CTU1: variants seen among roughly 807,000 people sequenced by gnomAD.
CTU1 encodes cytoplasmic tRNA 2-thiolation protein 1.
CTU1 carries 15 observed loss-of-function variants against 12.9 expected under a neutral mutation model. The ratio of observed to expected loss-of-function variants is 1.16; its 90% CI spans 0.78 to 1.79. CTU1 has a LOEUF of 1.79. Ranked by LOEUF, CTU1 falls within the 40% of genes most tolerant of loss-of-function variation. The pLI, the probability that CTU1 is intolerant of heterozygous loss-of-function variation, is 0.00. For missense variants in CTU1, 553 were observed against 550.5 expected (o/e 1.00, Z -0.05); for synonymous variants, 295 against 275.6 (o/e 1.07, Z -0.70).
intron 2 of CTU1, among the ~76,000 whole-genome samples, chr19:51,103,586 A>C (rs113040823): frequency 3.0e-5 from 1 of 32,848 alleles, no homozygotes; most frequent in Non-Finnish European, 7.2e-5. Flanking sequence ...CTCTGTCTCA[A>C]AAAAAAAAAA....
chr19:51,099,245 G>A, intron 2 of CTU1, 106 bp from the exon 3 acceptor site: 2 of 1,051,226 alleles, frequency 1.9e-6, no homozygotes, highest in Middle Eastern at 3.2e-4. Context: ...GAGAGACTGG[G>A]AGGAGAGACC....
Position 51,098,559 on chromosome 19 carries a change from C to T in CTU1, c.*42G>A, listed in dbSNP as rs1404368999. On this transcript the variant is annotated 3_prime_UTR_variant, in exon 3 of 3. Coordinates refer to ENST00000421832, the MANE Select transcript of CTU1 (RefSeq NM_145232.4). The surrounding 1 kb of genome is among the most constrained non-coding windows in gnomAD (Gnocchi z 4.3). ...TTCACAGTGTCATTTACAGGCAGCC[C>T]CCACCCCGCGGCATCAGATCCCGGC... The T allele has an allele frequency of 4.8e-6, 6 of 1,240,238 alleles. No homozygotes were observed. The African/African-American group carries it at 7.8e-5, about 16-fold the overall frequency. The allele number at this position is 1,240,238 out of a possible 1,614,324, so 76.8% of individuals were successfully genotyped here.
chr19:51,099,022 C>T lies in CTU1; in HGVS notation c.626G>A (p.Arg209His), dbSNP rs1422294103. 24 of 1,509,202 alleles carry T rather than the reference C, an allele frequency of 1.6e-5. No individual in the cohort carries two copies. Among genetic ancestry groups the T allele is most frequent in the Admixed American group, 6.1e-5 (3 of 49,356 alleles). 93.5% of individuals were successfully genotyped at this position (1,509,202 alleles called of 1,614,324 possible). A position where few individuals can be genotyped will look rare whatever the true frequency, so the allele number is the denominator to read the frequency against. ...CGAGGCGAACTGCAGCGGGCGGCAG[C>T]GCGGCAGGGCGCCCCCCTCGCCGGG... ...GSPGEGGALP[R>H]CRPLQFASQK... Residue 209 changes from arginine to histidine, a missense_variant, in exon 3 of 3, where the codon CGC becomes CAC. Physicochemically the swap from Arg to His is conservative, Grantham distance 29. Around this residue, in one of 2 missense-constraint regions of CTU1, gnomAD observed 500 missense variants for 458.5 expected, o/e 1.09. Coordinates refer to ENST00000421832, the MANE Select transcript of CTU1 (RefSeq NM_145232.4).
chr19:51,102,702 CAGGG>C lies in CTU1; in HGVS notation c.508+1356_508+1359del, dbSNP rs1265977913. Among the ~76,000 whole-genome samples the C allele has an allele frequency of 3.3e-5, 5 of 152,338 alleles. No homozygotes were observed. The East Asian group carries it at 9.6e-4, about 29-fold the overall frequency. The stretch of plus-strand genomic sequence containing the variant: ...CTTTTACTGGTTCCGCCACAGCCTA[CAGGG>C]TAAGGCCTGACCTCTTCCACCTCTC... On this transcript the variant is annotated intron_variant, in intron 2 of 2. Transcript: ENST00000421832.
Position 51,104,174 on chromosome 19 carries a change from G to T in CTU1, c.396C>A (p.Arg132=). 6.6e-7 allele frequency: 1 copy of T among 1,521,074 alleles called. No individual in the cohort carries two copies. Among genetic ancestry groups the T allele is most frequent in the Non-Finnish European group, 8.8e-7 (1 of 1,141,098 alleles). The allele number at this position is 1,521,074 out of a possible 1,614,324, so 94.2% of individuals were successfully genotyped here. Residue 132 remains arginine (R), a synonymous_variant, in exon 2 of 3, where the codon CGC becomes CGA. Transcript: ENST00000421832. ...FGGWTMDAVA[R]STAGSGRSRS... is the part of the protein sequence containing the mutation. ...GGCTGCGGCCGGAGCCGGCTGTGCT[G>T]CGGGCCACGGCGTCCATCGTCCAGC...
Position 51,097,633 on chromosome 19 carries a change from C to T in CTU1, c.*968G>A, listed in dbSNP as rs1471007491. 1 of 145,726 alleles carries T rather than the reference C, an allele frequency of 6.9e-6. No individual in the cohort carries two copies. The highest frequency in any genetic ancestry group is 1.5e-5 in the Non-Finnish European group (1 of 67,058). The allele number at this position is 145,726 out of a possible 1,614,324, so 9.0% of individuals were successfully genotyped here. ...CAAGTGGTCACCATTTATTGAGCAC[C>T]TCAACTTCTCTGATCTTCCATTTCC... On this transcript the variant is annotated 3_prime_UTR_variant, in exon 3 of 3. Coordinates refer to ENST00000421832, the MANE Select transcript of CTU1 (RefSeq NM_145232.4).
Position 51,104,441 on chromosome 19 carries a change from G to A in CTU1, c.129C>T (p.Leu43=), listed in dbSNP as rs1599807850. 1 of 1,255,254 alleles carries A rather than the reference G, an allele frequency of 8.0e-7. No individual in the cohort carries two copies. Among genetic ancestry groups the A allele is most frequent in the Non-Finnish European group, 1.0e-6 (1 of 999,044 alleles). The allele number at this position is 1,255,254 out of a possible 1,614,324, so 77.8% of individuals were successfully genotyped here. Residue 43 remains leucine, a synonymous_variant, in exon 2 of 3, where the codon CTC becomes CTT. Coordinates refer to ENST00000421832, the MANE Select transcript of CTU1 (RefSeq NM_145232.4). ...AFEAEVLHTV[L]AGRLLPPGAV... is the part of the protein sequence containing the mutation. Reference sequence around the variant, plus strand: ...CGCCGGGCGGCAGCAGGCGGCCGGCGAGCACCGTGTGCAGCACCTCGGCCT... The same window carrying A: ...CGCCGGGCGGCAGCAGGCGGCCGGCAAGCACCGTGTGCAGCACCTCGGCCT...
In CTU1 at chr19:51,099,174, C is replaced by T. The variant is rs760132321; in HGVS notation, c.509-35G>A. Reference sequence around the variant, plus strand: ...AGAGAAGGGAGCGGGTGAGGTGGGGCGCGGAGGGCGCTGCTGGCCAGGGAG... The same window carrying T: ...AGAGAAGGGAGCGGGTGAGGTGGGGTGCGGAGGGCGCTGCTGGCCAGGGAG... On this transcript the variant is annotated intron_variant, in intron 2 of 2. Coordinates refer to ENST00000421832, the MANE Select transcript of CTU1 (RefSeq NM_145232.4). 7 of 1,540,250 alleles carry T rather than the reference C, an allele frequency of 4.5e-6. No homozygotes were observed. The Admixed American group carries it at 1.1e-4, about 25-fold the overall frequency.
chr19:51,104,270 C>T lies in CTU1; in HGVS notation c.300G>A (p.Ala100=), dbSNP rs758320126. The change falls in exon 2 of 3, where the codon GCG becomes GCA. Residue 100 remains alanine, a synonymous_variant. Coordinates refer to ENST00000421832, the MANE Select transcript of CTU1 (RefSeq NM_145232.4). The part of the protein sequence containing the change: ...GIGGYRDAAL[A]AVRRQAARWE... ...AGCGCGCCGCCTGGCGCCGCACGGCCGCCAACGCCGCGTCCCGGTAGCCAC... is the reference window on the plus strand; with the variant it reads ...AGCGCGCCGCCTGGCGCCGCACGGCTGCCAACGCCGCGTCCCGGTAGCCAC... The T allele has an allele frequency of 6.7e-7, 1 of 1,503,314 alleles. No homozygotes were observed. The highest frequency in any genetic ancestry group is 1.2e-5 in the South Asian group (1 of 82,284). 93.1% of individuals were successfully genotyped at this position (1,503,314 alleles called of 1,614,324 possible).
At chr19:51,102,096 C>T (rs540041979) in intron 2 of CTU1, among the ~76,000 whole-genome samples, 177 of 152,272 alleles carry the variant, frequency 1.2e-3, no homozygotes, top group Non-Finnish European at 1.5e-3. Flanking sequence ...CTCCGCCTCC[C>T]GGGTTCAAGC....
intron 2 of CTU1, among the ~76,000 whole-genome samples, chr19:51,102,606 C>T (rs1247010541): frequency 6.6e-6 from 1 of 152,216 alleles, no homozygotes; most frequent in Admixed American, 6.5e-5. Flanking sequence ...CGGCTTTGTC[C>T]CTGTCCCTCC....
chr19:51,097,937 A>G lies in CTU1; in HGVS notation c.*664T>C, dbSNP rs1213982799. 1 of 152,110 alleles carries G rather than the reference A, an allele frequency of 6.6e-6. No individual in the cohort carries two copies. The highest frequency in any genetic ancestry group is 1.9e-4 in the East Asian group (1 of 5,144). The allele number at this position is 152,110 out of a possible 1,614,324, so 9.4% of individuals were successfully genotyped here. On this transcript the variant is annotated 3_prime_UTR_variant, in exon 3 of 3. Transcript: ENST00000421832. ...GGAGCCCTCGGTGTGACCCCTTCCG[A>G]CTGGGTGTCTTAGGGCCATTTACCA... is the stretch of plus-strand genomic sequence containing the variant.
chr19:51,102,216 C>T (rs1253152022), intron 2 of CTU1, among the ~76,000 whole-genome samples: 1 of 152,230 alleles, frequency 6.6e-6, no homozygotes, highest in Middle Eastern at 3.2e-3. Flanking sequence ...GTTGGCCAGG[C>T]TGGCCTCGAA....
At position 51,098,492 on chromosome 19, in the gene CTU1, T is replaced by C. The variant is rs529349576; in HGVS notation, c.*109A>G. On this transcript the variant is annotated 3_prime_UTR_variant, in exon 3 of 3. Coordinates refer to ENST00000421832, the MANE Select transcript of CTU1 (RefSeq NM_145232.4). This position sits in a 1 kb window ranked among gnomAD's most constrained non-coding sequence, Gnocchi z 4.3. ...TTCAGGTGAATGGGCCCCCGTCTCC[T>C]TCCCAACCCCACATGGAAGGCCAGG... The C allele has an allele frequency of 4.0e-4, 435 of 1,082,958 alleles. 1 individual carries two copies. The African/African-American group carries it at 6.7e-3, about 17-fold the overall frequency. 67.1% of individuals were successfully genotyped at this position (1,082,958 alleles called of 1,614,324 possible). A position where few individuals can be genotyped will look rare whatever the true frequency, so the allele number is the denominator to read the frequency against.
Position 51,104,055 on chromosome 19 carries a change from C to CGCTCA in CTU1, c.508+2_508+6dup. Reference sequence around the variant, plus strand: ...GAGTGCCGCTCTGCGGCCCGTACTACGCTCACCTGTCACGATGTGCGTGGC... The same window carrying CGCTCA: ...GAGTGCCGCTCTGCGGCCCGTACTACGCTCAGCTCACCTGTCACGATGTGCGTGGC... On this transcript the variant is annotated splice_region_variant and intron_variant, in intron 2 of 2. Transcript: ENST00000421832. 2.8e-6 allele frequency: 4 copies of CGCTCA among 1,447,282 alleles called. No individual in the cohort carries two copies. The highest frequency in any genetic ancestry group is 3.6e-6 in the Non-Finnish European group (4 of 1,112,948). 89.7% of individuals were successfully genotyped at this position (1,447,282 alleles called of 1,614,324 possible).
rs1424461246 is a variant in CTU1, at chr19:51,099,024, C to T, written c.624G>A (p.Pro208=). 4.0e-5 allele frequency: 61 copies of T among 1,511,168 alleles called. No homozygotes were observed. The highest frequency in any genetic ancestry group is 5.3e-5 in the Non-Finnish European group (60 of 1,133,618). 93.6% of individuals were successfully genotyped at this position (1,511,168 alleles called of 1,614,324 possible). Reference sequence around the variant, plus strand: ...AGGCGAACTGCAGCGGGCGGCAGCGCGGCAGGGCGCCCCCCTCGCCGGGAG... The same window carrying T: ...AGGCGAACTGCAGCGGGCGGCAGCGTGGCAGGGCGCCCCCCTCGCCGGGAG... The part of the protein sequence containing the change: ...LGSPGEGGAL[P]RCRPLQFASQ... The change falls in exon 3 of 3, where the codon CCG becomes CCA. Residue 208 remains proline, a synonymous_variant. Transcript: ENST00000421832.
At position 51,098,597 on chromosome 19, in the gene CTU1, G is replaced by A; in HGVS notation, c.*4C>T. On this transcript the variant is annotated 3_prime_UTR_variant, in exon 3 of 3. Coordinates refer to ENST00000421832, the MANE Select transcript of CTU1 (RefSeq NM_145232.4). The surrounding 1 kb of genome is among the most constrained non-coding windows in gnomAD (Gnocchi z 4.3). The stretch of plus-strand genomic sequence containing the variant: ...ATCAGATCCCGGCGGGAGGCCCGAA[G>A]TCGCTAGAAGGTGGGGACGGCCTTG... The A allele has an allele frequency of 7.8e-7, 1 of 1,280,060 alleles. No individual in the cohort carries two copies. The highest frequency in any genetic ancestry group is 9.9e-7 in the Non-Finnish European group (1 of 1,010,816). The allele number at this position is 1,280,060 out of a possible 1,614,324, so 79.3% of individuals were successfully genotyped here.
At position 51,101,253 on chromosome 19, in the gene CTU1, C is replaced by G. The variant is rs186399103; in HGVS notation, c.509-2114G>C. Reference sequence around the variant, plus strand: ...TGTGTCACCACCCCTGTAATCACTGCAGTGTTTTTGTGTTATCTTTGTTTA... The same window carrying G: ...TGTGTCACCACCCCTGTAATCACTGGAGTGTTTTTGTGTTATCTTTGTTTA... On this transcript the variant is annotated intron_variant, in intron 2 of 2. Transcript: ENST00000421832. 1.4e-3 allele frequency among the ~76,000 whole-genome samples: 215 copies of G among 152,302 alleles called. 1 individual carries two copies. Among genetic ancestry groups the G allele is most frequent in the African/African-American group, 5.0e-3 (208 of 41,556 alleles).
intron 2 of CTU1, 91 bp downstream of exon 2, chr19:51,103,971 G>T: frequency 7.9e-7 from 1 of 1,261,330 alleles, no homozygotes; most frequent in Non-Finnish European, 1.0e-6. Flanking sequence ...TGGAGCATGC[G>T]CCTGAATCCC....
Sources: gnomAD v4.1 joint callset for allele counts (sites outside exome capture counted in the v4.1 genomes callset) on GRCh38, gnomAD v4.1.1 for gene constraint, gnomAD v4.1.1 regional missense constraint, Gnocchi (gnomAD v3.1) non-coding constraint, MANE v1.5 for transcripts, NCBI Gene and HGNC (gene_info 2026-07-23, HGNC 2026-07-21) for gene names.